Variants in TP53BP2 observed in about 807,000 individuals in gnomAD.
TP53BP2 encodes apoptosis-stimulating of p53 protein 2.
TP53BP2 carries 62 observed loss-of-function variants against 126.2 expected under a neutral mutation model. The observed-to-expected ratio is 0.49, with a 90% CI of 0.40 to 0.61. The LOEUF is 0.61. Among genes scored for constraint, TP53BP2 ranks in the 20% least tolerant of loss-of-function variants. The pLI is 0.00. For missense variants in TP53BP2, 1,215 were observed against 1,402.8 expected, an observed-to-expected ratio of 0.87 and a Z score of 2.14; for synonymous variants, 485 against 502.9, an observed-to-expected ratio of 0.96 and a Z score of 0.48.
chr1:223,820,034 A>G (rs1053284782), intron 2 of TP53BP2, among the ~76,000 whole-genome samples: 12 of 152,216 alleles, frequency 7.9e-5, no homozygotes, highest in East Asian at 7.7e-4. Context: ...GTAACTGAGA[A>G]CTAACTTCAT....
At chr1:223,821,948 G>A (rs1045589027) in intron 1 of TP53BP2, among the ~76,000 whole-genome samples, 1 of 150,204 alleles carries the variant, frequency 6.7e-6, no homozygotes, top group African/African-American at 2.5e-5. Context: ...CTGGAGCACA[G>A]TGGCATGATC....
chr1:223,804,344 T>C lies in TP53BP2; in HGVS notation c.479A>G (p.Gln160Arg). 1.9e-6 allele frequency: 3 copies of C among 1,612,942 alleles called. No individual in the cohort carries two copies. The highest frequency in any genetic ancestry group is 2.5e-6 in the Non-Finnish European group (3 of 1,179,772). The change falls in exon 6 of 18, where the codon CAG becomes CGG. Residue 160 changes from glutamine (Q) to arginine (R), a missense_variant. Gln to Arg is a conservative substitution (Grantham distance 43, BLOSUM62 1). Transcript: ENST00000343537. ...TTGTTGTTTCAAAAACTTTAAGCGC[T>C]GTTCCTAAAAATAAAAGTAATCATT... ...AQQQLLATKE[Q>R]RLKFLKQQDQ...
intron 1 of TP53BP2, among the ~76,000 whole-genome samples, chr1:223,828,257 C>T (rs913051058): frequency 2.0e-5 from 3 of 152,072 alleles, no homozygotes; most frequent in Non-Finnish European, 4.4e-5. Context: ...TAAAACAGTG[C>T]TCACTGTATC....
In TP53BP2 at chr1:223,806,826, A is replaced by C; in HGVS notation, c.474+20T>G. 1.2e-6 allele frequency: 2 copies of C among 1,605,042 alleles called. No individual in the cohort carries two copies. The highest frequency in any genetic ancestry group is 1.7e-6 in the Non-Finnish European group (2 of 1,173,642). On this transcript the variant is annotated intron_variant, in intron 5 of 17. Coordinates refer to ENST00000343537, the MANE Select transcript of TP53BP2 (RefSeq NM_001031685.3). ...GCGACAGAGTGAGCATTCATCTCCA[A>C]AAAAAAAGGACGATACTACCTTAGT...
intron 17 of TP53BP2, among the ~76,000 whole-genome samples, chr1:223,783,090 A>G (rs1043618749): frequency 2.6e-5 from 4 of 152,192 alleles, no homozygotes; most frequent in African/African-American, 9.7e-5. Context: ...TCACAGACAG[A>G]ATCCTGTTCA....
rs759684475 is a variant in TP53BP2, at chr1:223,803,521, C to T, written c.650-69G>A. The T allele has an allele frequency of 1.3e-4, 183 of 1,433,046 alleles. 1 individual carries two copies. The highest frequency in any genetic ancestry group is 1.5e-4 in the Non-Finnish European group (158 of 1,073,130). 88.8% of individuals were successfully genotyped at this position (1,433,046 alleles called of 1,614,324 possible). ...AAGAATGGACTACTTCCCAGGCAAC[C>T]GGGCTTTACAATGAACTTTCTAATA... On this transcript the variant is annotated intron_variant, in intron 6 of 17. Transcript: ENST00000343537.
At chr1:223,822,481 C>T (rs957480751) in intron 1 of TP53BP2, among the ~76,000 whole-genome samples, 3 of 151,934 alleles carry the variant, frequency 2.0e-5, no homozygotes, top group African/African-American at 4.8e-5. Flanking sequence ...GTCTGGGCAA[C>T]GAAGCAACAC....
intron 2 of TP53BP2, among the ~76,000 whole-genome samples, chr1:223,817,444 T>A (rs1355118274): frequency 6.6e-6 from 1 of 151,922 alleles, no homozygotes; most frequent in Non-Finnish European, 1.5e-5. Flanking sequence ...TTAAAAAATG[T>A]ATGAACTTTT....
intron 1 of TP53BP2, among the ~76,000 whole-genome samples, chr1:223,825,651 C>T (rs1663470245): frequency 6.6e-6 from 1 of 152,186 alleles, no homozygotes; most frequent in African/African-American, 2.4e-5. Flanking sequence ...ACATTATTTT[C>T]ATTCATTCAG....
intron 17 of TP53BP2, 79 bp from the exon 18 acceptor site, chr1:223,780,973 T>G: frequency 7.5e-7 from 1 of 1,337,438 alleles, no homozygotes; most frequent in Non-Finnish European, 1.1e-6. Context: ...ATAATGAGGT[T>G]AGGGGACAGA....
At chr1:223,804,450 C>CT in intron 5 of TP53BP2, 102 bp from the exon 6 acceptor site, 1 of 1,057,084 alleles carries the variant, frequency 9.5e-7, no homozygotes, top group South Asian at 1.4e-5. Context: ...TTGAGGTACA[C>CT]TTGTAACCCT....
At chr1:223,800,617 G>A (rs1662496455) in intron 10 of TP53BP2, 83 bp downstream of exon 10, 2 of 995,162 alleles carry the variant, frequency 2.0e-6, no homozygotes, top group Admixed American at 2.8e-5. Context: ...AAAGAAAAGA[G>A]AAAATGGACT....
chr1:223,790,776 A>T (rs562139044), intron 15 of TP53BP2, among the ~76,000 whole-genome samples: 51 of 151,978 alleles, frequency 3.4e-4, no homozygotes, highest in African/African-American at 1.2e-3. Flanking sequence ...GCTAATTTTT[A>T]AAAATTTTTT....
Position 223,800,820 on chromosome 1 carries a change from A to G in TP53BP2, c.1226-10T>C. 6.3e-7 allele frequency: 1 copy of G among 1,577,562 alleles called. No individual in the cohort carries two copies. Among genetic ancestry groups the G allele is most frequent in the Non-Finnish European group, 8.6e-7 (1 of 1,157,684 alleles). Reference sequence around the variant, plus strand: ...GGATGGATTTTAGAGCCTAAAATACAGAAAAGCAGCTACAAATAACTCAGC... The same window carrying G: ...GGATGGATTTTAGAGCCTAAAATACGGAAAAGCAGCTACAAATAACTCAGC... On this transcript the variant is annotated splice_polypyrimidine_tract_variant and intron_variant, in intron 9 of 17. Transcript: ENST00000343537.
At chr1:223,802,491 C>T (rs530245372) in intron 8 of TP53BP2, 147 bp from the exon 9 acceptor site, 2 of 899,548 alleles carry the variant, frequency 2.2e-6, no homozygotes, top group Admixed American at 5.8e-5. Context: ...CCAAAATAAA[C>T]ACTCCCCAAT....
At chr1:223,788,359 G>A (rs1239912484) in intron 16 of TP53BP2, among the ~76,000 whole-genome samples, 1 of 152,070 alleles carries the variant, frequency 6.6e-6, no homozygotes, top group Admixed American at 6.5e-5. Context: ...TTCCTCTCAA[G>A]CCCAACTAAA....
Position 223,832,158 on chromosome 1 carries a change from G to A in TP53BP2, c.28-10791C>T, listed in dbSNP as rs1663757668. On this transcript the variant is annotated intron_variant, in intron 1 of 17. Coordinates refer to ENST00000343537, the MANE Select transcript of TP53BP2 (RefSeq NM_001031685.3). Reference sequence around the variant, plus strand: ...TACAGAAAGAAGAAAGGAACCAAGAGTATAAGATGTTCCCTGTCACCAAAG... The same window carrying A: ...TACAGAAAGAAGAAAGGAACCAAGAATATAAGATGTTCCCTGTCACCAAAG... Among the ~76,000 whole-genome samples the A allele has an allele frequency of 1.3e-5, 2 of 152,194 alleles. 1 individual carries two copies. The highest frequency in any genetic ancestry group is 4.1e-4 in the South Asian group (2 of 4,832).
chr1:223,815,183 A>C (rs1198127149), intron 2 of TP53BP2, among the ~76,000 whole-genome samples: 1 of 152,224 alleles, frequency 6.6e-6, no homozygotes, highest in Non-Finnish European at 1.5e-5. Flanking sequence ...ATTTATCAGT[A>C]ATCAAGGACA....
intron 4 of TP53BP2, among the ~76,000 whole-genome samples, chr1:223,808,838 C>G (rs576023017): frequency 2.0e-5 from 3 of 150,904 alleles, no homozygotes; most frequent in African/African-American, 7.3e-5. Flanking sequence ...AGAAGAGACA[C>G]AGAGAGCAAA....
Sources: gnomAD v4.1 joint callset for allele counts (sites outside exome capture counted in the v4.1 genomes callset) on GRCh38, gnomAD v4.1.1 for gene constraint, MANE v1.5 for transcripts, NCBI Gene and HGNC (gene_info 2026-07-23, HGNC 2026-07-21) for gene names.